The following UBQLN4 variants were observed in gnomAD, a reference collection of about 807,000 sequenced individuals.
UBQLN4 encodes ubiquilin 4.
A neutral mutation model predicts 60.4 loss-of-function variants in UBQLN4; 11 were observed. That is an observed-to-expected ratio of 0.18 (90% CI 0.11 to 0.30). UBQLN4 has a LOEUF of 0.30. Among genes scored for constraint, UBQLN4 ranks in the 10% least tolerant of loss-of-function variants. The probability of loss-of-function intolerance (pLI) is 1.00; values close to 1 mark genes in which losing one functional copy is unlikely to be tolerated. For synonymous variants in UBQLN4, 258 were observed against 313.1 expected (o/e 0.82, Z 1.86); for missense variants, 417 against 795.5 (o/e 0.52, Z 5.72).
Position 156,053,750 on chromosome 1 carries a change from T to A in UBQLN4, c.-49A>T, listed in dbSNP as rs1333624156. On this transcript the variant is annotated 5_prime_UTR_variant, in exon 1 of 11. Transcript: ENST00000368309. Reference sequence around the variant, plus strand: ...CGCCAGCCCGCCCGGCTCCTCCTCCTCCCCGCCCGCCCGGCCGGCCCGGCT... The same window carrying A: ...CGCCAGCCCGCCCGGCTCCTCCTCCACCCCGCCCGCCCGGCCGGCCCGGCT... The A allele has an allele frequency of 3.5e-6, 4 of 1,133,124 alleles. No homozygotes were observed. Among genetic ancestry groups the A allele is most frequent in the Non-Finnish European group, 4.5e-6 (4 of 897,746 alleles). 70.2% of individuals were successfully genotyped at this position (1,133,124 alleles called of 1,614,324 possible).
At chr1:156,053,058 G>A (rs369374511) in intron 1 of UBQLN4, among the ~76,000 whole-genome samples, 40 of 152,308 alleles carry the variant, frequency 2.6e-4, no homozygotes, top group African/African-American at 9.6e-4. Context: ...CATTCAACAA[G>A]ATTTTATTGA....
chr1:156,052,624 G>C (rs746191082), intron 1 of UBQLN4, among the ~76,000 whole-genome samples: 1 of 152,088 alleles, frequency 6.6e-6, no homozygotes, highest in Non-Finnish European at 1.5e-5. Context: ...ACGCCCAGCC[G>C]TATCTCCATT....
intron 10 of UBQLN4, 24 bp downstream of exon 10, chr1:156,041,461 A>G: frequency 1.3e-6 from 2 of 1,524,172 alleles, no homozygotes; most frequent in Non-Finnish European, 1.8e-6. Context: ...TGCTCCCAGC[A>G]CCTGCCCCCA....
In UBQLN4 at chr1:156,050,196, G is replaced by A. The variant is rs1056766873; in HGVS notation, c.741+95C>T. 14 of 1,456,198 alleles carry A rather than the reference G, an allele frequency of 9.6e-6. No individual in the cohort carries two copies. Among genetic ancestry groups the A allele is most frequent in the Admixed American group, 4.9e-5 (2 of 40,664 alleles). The allele number at this position is 1,456,198 out of a possible 1,614,324, so 90.2% of individuals were successfully genotyped here. A position where few individuals can be genotyped will look rare whatever the true frequency, so the allele number is the denominator to read the frequency against. On this transcript the variant is annotated intron_variant, in intron 4 of 10. Transcript: ENST00000368309. This position sits in a 1 kb window ranked among gnomAD's most constrained non-coding sequence, Gnocchi z 4.6. ...CAGTGTTCAAAACTGCTGAATACAC[G>A]AATGAACAAATCAATGTAGGACAAA...
Position 156,044,124 on chromosome 1 carries a change from T to C in UBQLN4, c.1000A>G (p.Ser334Gly). 6.3e-7 allele frequency: 1 copy of C among 1,587,388 alleles called. No individual in the cohort carries two copies. ...GCCTGGGAGGTGGGGGGCGAGGGGC[T>C]CCAGGGGTTAGGGAGGGGCTCTCGA... Reference protein sequence around the residue: ...ENREPLPNPWSPSPPTSQAPG... With the variant: ...ENREPLPNPWGPSPPTSQAPG... The change falls in exon 6 of 11, where the codon AGC becomes GGC. Residue 334 changes from serine (S) to glycine (G), a missense_variant. Physicochemically the swap from Ser to Gly is moderately conservative, Grantham distance 56. Coordinates refer to ENST00000368309, the MANE Select transcript of UBQLN4 (RefSeq NM_020131.5).
In UBQLN4 at chr1:156,047,622, G is replaced by A. The variant is rs564748342; in HGVS notation, c.900+879C>T. ...TTTTTAAAAAGAACCATGGCCAGGC[G>A]CGGTGGCTCACTCCTGTAATCTCAG... is the stretch of plus-strand genomic sequence containing the variant. On this transcript the variant is annotated intron_variant, in intron 5 of 10. Transcript: ENST00000368309. Among the ~76,000 whole-genome samples the A allele has an allele frequency of 9.2e-5, 14 of 151,386 alleles. No homozygotes were observed. In the East Asian group the frequency reaches 2.0e-3, roughly 21 times the overall value.
intron 2 of UBQLN4, 30 bp downstream of exon 2, chr1:156,051,676 A>C: frequency 6.2e-7 from 1 of 1,610,928 alleles, no homozygotes; most frequent in African/African-American, 1.3e-5. Context: ...GCCCAATCAG[A>C]AGCTGGATCT....
intron 10 of UBQLN4, among the ~76,000 whole-genome samples, chr1:156,040,441 A>ATTTTTTTTTTTTTTTTTTTTTTT (rs112995184): frequency 9.2e-6 from 1 of 109,030 alleles, no homozygotes; most frequent in Non-Finnish European, 1.8e-5. Flanking sequence ...CAGTCCACAC[A>ATTTTTTTTTTTTTTTTTTTTTTT]TTTTTTTTTT....
intron 7 of UBQLN4, chr1:156,042,446 T>A: frequency 7.1e-7 from 1 of 1,405,878 alleles, no homozygotes; most frequent in Non-Finnish European, 9.2e-7. Context: ...GTCAGCCTGC[T>A]CAGCCCTGGG....
At chr1:156,046,721 A>C (rs1166562399) in intron 5 of UBQLN4, among the ~76,000 whole-genome samples, 1 of 148,722 alleles carries the variant, frequency 6.7e-6, no homozygotes, top group Non-Finnish European at 1.5e-5. Flanking sequence ...GCAAGCCTGC[A>C]GTCCCGGCTA....
chr1:156,037,365 G>A (rs1259162550), intron 10 of UBQLN4, among the ~76,000 whole-genome samples: 10 of 152,108 alleles, frequency 6.6e-5, no homozygotes, highest in Non-Finnish European at 1.0e-4. Context: ...GGAGGCTGAG[G>A]CGGGCGGATC....
chr1:156,034,539 A>C (rs1023068318), downstream of UBQLN4, among the ~76,000 whole-genome samples: 2 of 150,704 alleles, frequency 1.3e-5, no homozygotes, highest in Non-Finnish European at 3.0e-5. Flanking sequence ...CTCGTGATCC[A>C]CCCACCTCAG....
At position 156,053,579 on chromosome 1, in the gene UBQLN4, C is replaced by G. The variant is rs1289514409; in HGVS notation, c.108+15G>C. 1.5e-6 allele frequency: 2 copies of G among 1,297,524 alleles called. No individual in the cohort carries two copies. The highest frequency in any genetic ancestry group is 6.2e-5 in the Admixed American group (2 of 32,472). The allele number at this position is 1,297,524 out of a possible 1,614,324, so 80.4% of individuals were successfully genotyped here. A position where few individuals can be genotyped will look rare whatever the true frequency, so the allele number is the denominator to read the frequency against. ...CCTCCTCCGCGCTCCCCCCGCCCCC[C>G]GCCTGCTGTACTACCTCCTTGACCG... On this transcript the variant is annotated intron_variant, in intron 1 of 10. Transcript: ENST00000368309.
chr1:156,033,400 T>C (rs1379623801), downstream of UBQLN4: 4 of 669,336 alleles, frequency 6.0e-6, no homozygotes, highest in East Asian at 4.1e-4. Context: ...TTTGTTTTGT[T>C]TTTTTGCTAG....
intron 9 of UBQLN4, 54 bp downstream of exon 9, chr1:156,041,818 T>C (rs1572272302): frequency 1.8e-5 from 28 of 1,530,482 alleles, no homozygotes; most frequent in African/African-American, 2.8e-5. Flanking sequence ...GAGAGAAGAG[T>C]TGAAGGGGAG....
intron 10 of UBQLN4, among the ~76,000 whole-genome samples, chr1:156,040,897 G>T (rs1305811244): frequency 1.3e-5 from 2 of 152,170 alleles, no homozygotes; most frequent in Non-Finnish European, 2.9e-5. Flanking sequence ...AGGTTAAGAG[G>T]CTCACTCGAG....
Position 156,036,855 on chromosome 1 carries a change from T to C in UBQLN4, c.*123A>G, listed in dbSNP as rs1683415313. 1 of 1,520,536 alleles carries C rather than the reference T, an allele frequency of 6.6e-7. No individual in the cohort carries two copies. Among genetic ancestry groups the C allele is most frequent in the African/African-American group, 1.4e-5 (1 of 71,928 alleles). 94.2% of individuals were successfully genotyped at this position (1,520,536 alleles called of 1,614,324 possible). ...GGAGCCCATGCCTCTAAAGTCACCC[T>C]GCTGTTTGGAAAGGATGAGGGAGAA... On this transcript the variant is annotated 3_prime_UTR_variant, in exon 11 of 11. Coordinates refer to ENST00000368309, the MANE Select transcript of UBQLN4 (RefSeq NM_020131.5).
chr1:156,033,565 G>A (rs1311743067), downstream of UBQLN4, among the ~76,000 whole-genome samples: 3 of 152,124 alleles, frequency 2.0e-5, no homozygotes, highest in East Asian at 1.9e-4. Context: ...GGCATGGGCT[G>A]GGCGCGACGG....
At chr1:156,047,363 C>G (rs898841173) in intron 5 of UBQLN4, among the ~76,000 whole-genome samples, 3 of 151,572 alleles carry the variant, frequency 2.0e-5, no homozygotes, top group Non-Finnish European at 2.9e-5. Context: ...CCTGCCTCAG[C>G]CTCCCAAATA....
Sources: gnomAD v4.1 joint callset for allele counts (sites outside exome capture counted in the v4.1 genomes callset) on GRCh38, gnomAD v4.1.1 for gene constraint, Gnocchi (gnomAD v3.1) non-coding constraint, MANE v1.5 for transcripts, NCBI Gene and HGNC (gene_info 2026-07-23, HGNC 2026-07-21) for gene names.